The following WDPCP variants were observed in gnomAD, a reference collection of about 807,000 sequenced individuals.
WDPCP encodes WD repeat containing planar cell polarity effector.
WDPCP carries 71 observed loss-of-function variants against 93.1 expected under a neutral mutation model. That is an observed-to-expected ratio of 0.76 (90% CI 0.63 to 0.93). WDPCP has a LOEUF of 0.93. Ranked by LOEUF, WDPCP falls within the 40% of genes least tolerant of loss-of-function variation. The pLI, the probability that WDPCP is intolerant of heterozygous loss-of-function variation, is 0.00. For synonymous variants in WDPCP, 315 were observed against 315.0 expected (o/e 1.00, Z 0.00); for missense variants, 844 against 887.4 (o/e 0.95, Z 0.62).
intron 2 of WDPCP, among the ~76,000 whole-genome samples, chr2:63,715,274 TTA>T (rs1167113007): frequency 1.3e-5 from 2 of 152,254 alleles, no homozygotes; most frequent in African/African-American, 2.4e-5. Flanking sequence ...ATGGTTCATT[TTA>T]TGTTATGCAA....
intron 15 of WDPCP, among the ~76,000 whole-genome samples, chr2:63,167,206 A>G (rs1673058096): frequency 2.0e-5 from 3 of 152,216 alleles, no homozygotes; most frequent in African/African-American, 7.2e-5. Context: ...CAGAGAACAT[A>G]TGGTCCATAA....
At chr2:63,268,573 C>T (rs1350956136) in intron 13 of WDPCP, among the ~76,000 whole-genome samples, 1 of 152,100 alleles carries the variant, frequency 6.6e-6, no homozygotes, top group Non-Finnish European at 1.5e-5. Flanking sequence ...CTCAGGTGAT[C>T]CTCCCATCTC....
upstream of WDPCP, chr2:63,588,956 C>T (rs958692852): frequency 5.0e-6 from 8 of 1,593,332 alleles, no homozygotes; most frequent in Non-Finnish European, 6.9e-6. Context: ...CACCGCTCGC[C>T]CTCTCCGAGT....
intron 2 of WDPCP, among the ~76,000 whole-genome samples, chr2:63,806,210 C>G (rs1670760346): frequency 6.6e-6 from 1 of 152,074 alleles, no homozygotes; most frequent in Admixed American, 6.6e-5. Flanking sequence ...TAAGCGTCGG[C>G]CAGCTTGAGA....
At chr2:63,313,964 C>G (rs1239855309) in intron 12 of WDPCP, among the ~76,000 whole-genome samples, 1 of 147,422 alleles carries the variant, frequency 6.8e-6, no homozygotes, top group African/African-American at 2.5e-5. Context: ...TCACTGCAAC[C>G]TCCACCTCCC....
chr2:63,323,069 G>T (rs185075618), intron 12 of WDPCP, among the ~76,000 whole-genome samples: 25 of 152,326 alleles, frequency 1.6e-4, no homozygotes, highest in Non-Finnish European at 1.2e-4. Context: ...TGAGCCCAGG[G>T]TCGACAGAGA....
intron 2 of WDPCP, among the ~76,000 whole-genome samples, chr2:63,667,463 T>G (rs940593082): frequency 1.3e-5 from 2 of 152,254 alleles, no homozygotes; most frequent in African/African-American, 4.8e-5. Flanking sequence ...TAATAGTTAA[T>G]TGCTTGTGGA....
intron 2 of WDPCP, among the ~76,000 whole-genome samples, chr2:63,772,804 T>A (rs914923290): frequency 6.6e-6 from 1 of 152,060 alleles, no homozygotes; most frequent in African/African-American, 2.4e-5. Flanking sequence ...GTAAACTTCA[T>A]TAAGCTGATA....
intron 14 of WDPCP, among the ~76,000 whole-genome samples, chr2:63,192,106 T>C (rs1675096749): frequency 6.6e-6 from 1 of 152,216 alleles, no homozygotes; most frequent in Non-Finnish European, 1.5e-5. Context: ...ACTGTTTTTT[T>C]GCTATCCTAT....
chr2:63,237,143 A>C (rs2104609719), intron 14 of WDPCP, among the ~76,000 whole-genome samples: 1 of 152,216 alleles, frequency 6.6e-6, no homozygotes, highest in African/African-American at 2.4e-5. Flanking sequence ...TTAAGAAAAA[A>C]AAAATAACCC....
At chr2:63,703,107 A>T (rs2103715875) in intron 2 of WDPCP, among the ~76,000 whole-genome samples, 1 of 152,200 alleles carries the variant, frequency 6.6e-6, no homozygotes, top group East Asian at 1.9e-4. Context: ...ACATTTTCTT[A>T]ATCCAGTCTA....
chr2:63,575,470 G>C (rs1203059209), intron 1 of WDPCP, among the ~76,000 whole-genome samples: 23 of 119,212 alleles, frequency 1.9e-4, no homozygotes, highest in South Asian at 7.0e-4. Flanking sequence ...TATATATGCA[G>C]TATATACAGT....
At chr2:63,127,688 TATATATAC>T (rs1171478852) in intron 17 of WDPCP, among the ~76,000 whole-genome samples, 7 of 141,066 alleles carry the variant, frequency 5.0e-5, no homozygotes, top group Non-Finnish European at 1.1e-4. Flanking sequence ...TATATATATA[TATATATAC>T]GCACACACAC....
At chr2:63,655,976 T>C (rs140691348) in intron 2 of WDPCP, among the ~76,000 whole-genome samples, 14 of 152,314 alleles carry the variant, frequency 9.2e-5, no homozygotes, top group African/African-American at 3.1e-4. Context: ...TTCTCAGAAA[T>C]AGGATTTCCT....
At chr2:63,384,009 T>C (rs1169131707) in intron 10 of WDPCP, among the ~76,000 whole-genome samples, 2 of 152,108 alleles carry the variant, frequency 1.3e-5, no homozygotes, top group African/African-American at 4.8e-5. Context: ...TAGAATTAAA[T>C]ATCAGTAACA....
chr2:63,586,560 T>C (rs1343441803), intron 1 of WDPCP, among the ~76,000 whole-genome samples: 3 of 152,224 alleles, frequency 2.0e-5, no homozygotes, highest in African/African-American at 7.2e-5. Context: ...GGAAATGTGC[T>C]GATATACCCA....
intron 15 of WDPCP, among the ~76,000 whole-genome samples, chr2:63,158,424 G>C (rs1672413841): frequency 6.6e-6 from 1 of 152,194 alleles, no homozygotes; most frequent in African/African-American, 2.4e-5. Flanking sequence ...AACACATTTA[G>C]AATTGTTATG....
At chr2:63,688,189 G>C (rs1668837563) in intron 2 of WDPCP, among the ~76,000 whole-genome samples, 1 of 152,170 alleles carries the variant, frequency 6.6e-6, no homozygotes, top group Admixed American at 6.5e-5. Flanking sequence ...CACTTTGGGA[G>C]GCCGAGGCGG....
chr2:63,563,685 A>C (rs1291351755), intron 1 of WDPCP, among the ~76,000 whole-genome samples: 1 of 152,094 alleles, frequency 6.6e-6, no homozygotes, highest in East Asian at 1.9e-4. Context: ...ATTCAGGTTA[A>C]ATTGAGGTCA....
Sources: allele counts gnomAD v4.1 joint callset (sites outside exome capture counted in the v4.1 genomes callset), GRCh38; gene constraint gnomAD v4.1.1; transcripts MANE v1.5; gene names NCBI Gene and HGNC (gene_info 2026-07-23, HGNC 2026-07-21).